The following OTOA variants were observed in gnomAD, a reference collection of about 807,000 sequenced individuals.
OTOA encodes otoancorin, also known as cancer/testis antigen 108.
Under a neutral mutation model 110.8 loss-of-function variants are expected in OTOA, and 70 were observed. That is an observed-to-expected ratio of 0.63 (90% CI 0.52 to 0.77). The LOEUF is 0.77. Among genes scored for constraint, OTOA ranks in the 30% least tolerant of loss-of-function variants. The pLI is 0.00. For missense variants in OTOA, 917 were observed against 1,075.8 expected (o/e 0.85, Z 2.06); for synonymous variants, 373 against 431.5 (o/e 0.86, Z 1.68).
At chr16:21,669,794 A>G (rs1285703412) in intron 1 of OTOA, among the ~76,000 whole-genome samples, 1 of 152,124 alleles carries the variant, frequency 6.6e-6, no homozygotes, top group African/African-American at 2.4e-5. Flanking sequence ...ACTCCAGGGT[A>G]TTCTCAACAC....
Position 21,726,670 on chromosome 16 carries a change from C to A in OTOA, c.2016+12C>A, listed in dbSNP as rs753776320. On this transcript the variant is annotated intron_variant, in intron 19 of 28. Transcript: ENST00000646100. ...TGCAGCAGTGCCTGGTAAGAAAACTCTTCCTGGGTGTCCCCTCCCTCTGGG... is the reference window on the plus strand; with the variant it reads ...TGCAGCAGTGCCTGGTAAGAAAACTATTCCTGGGTGTCCCCTCCCTCTGGG... 3 of 1,614,016 alleles carry A rather than the reference C, an allele frequency of 1.9e-6. No homozygotes were observed. Among genetic ancestry groups the A allele is most frequent in the Non-Finnish European group, 2.5e-6 (3 of 1,179,962 alleles).
intron 12 of OTOA, among the ~76,000 whole-genome samples, chr16:21,706,128 C>G (rs953780066): frequency 6.6e-6 from 1 of 152,086 alleles, no homozygotes; most frequent in Non-Finnish European, 1.5e-5. Context: ...ACAGCTACTT[C>G]GAACTTAAAT....
intron 1 of OTOA, among the ~76,000 whole-genome samples, chr16:21,665,518 T>C (rs1966839175): frequency 1.3e-5 from 2 of 152,118 alleles, no homozygotes; most frequent in Admixed American, 1.3e-4. Flanking sequence ...TCGCTTGCTG[T>C]GTGATCGTTC....
At chr16:21,731,893 C>T (rs1421646318) in intron 21 of OTOA, among the ~76,000 whole-genome samples, 1 of 152,220 alleles carries the variant, frequency 6.6e-6, no homozygotes, top group East Asian at 1.9e-4. Context: ...AGTCCAGTCA[C>T]AGTAAAATCA....
At chr16:21,714,571 G>A (rs1898491014) in intron 13 of OTOA, among the ~76,000 whole-genome samples, 1 of 150,374 alleles carries the variant, frequency 6.7e-6, no homozygotes, top group Non-Finnish European at 1.5e-5. Context: ...GAGTGCAATG[G>A]TACAATCTCA....
At position 21,760,709 on chromosome 16, in the gene OTOA, T is replaced by C. The variant is rs1166502807; in HGVS notation, c.*169T>C. 2.1e-6 allele frequency: 1 copy of C among 473,032 alleles called. No homozygotes were observed. Among genetic ancestry groups the C allele is most frequent in the Non-Finnish European group, 3.8e-6 (1 of 266,508 alleles). 29.3% of individuals were successfully genotyped at this position (473,032 alleles called of 1,614,324 possible). On this transcript the variant is annotated 3_prime_UTR_variant, in exon 29 of 29. Coordinates refer to ENST00000646100, the MANE Select transcript of OTOA (RefSeq NM_144672.4). ...TGCACCCCAAATGAAAAATAATTAT[T>C]AAAAATGATCTTGCAAATTATTTTT...
At chr16:21,702,564 C>T (rs564129958) in intron 11 of OTOA, among the ~76,000 whole-genome samples, 1 of 152,322 alleles carries the variant, frequency 6.6e-6, no homozygotes, top group East Asian at 1.9e-4. Context: ...CTCTATACTT[C>T]CGCTTCCCCA....
intron 12 of OTOA, 38 bp downstream of exon 12, chr16:21,705,330 A>G: frequency 1.2e-6 from 2 of 1,612,898 alleles, no homozygotes; most frequent in Non-Finnish European, 1.7e-6. Context: ...CCTCTGCCTC[A>G]GTGTCACTAG....
intron 13 of OTOA, 128 bp from the exon 14 acceptor site, chr16:21,714,857 T>A (rs1367845337): frequency 1.6e-5 from 19 of 1,218,132 alleles, no homozygotes; most frequent in Non-Finnish European, 2.1e-5. Context: ...AGGCAGCATC[T>A]GTCTGGCTCA....
chr16:21,719,904 A>C (rs902577129), intron 17 of OTOA, among the ~76,000 whole-genome samples: 6 of 152,052 alleles, frequency 3.9e-5, no homozygotes, highest in Non-Finnish European at 5.9e-5. Context: ...CATTTTCTAA[A>C]AGGTTATGGA....
chr16:21,675,324 T>A (rs1289968955), intron 1 of OTOA, among the ~76,000 whole-genome samples: 2 of 134,110 alleles, frequency 1.5e-5, no homozygotes, highest in Non-Finnish European at 3.2e-5. Context: ...TTTTTTTTTT[T>A]TTTTTTTTTT....
intron 1 of OTOA, among the ~76,000 whole-genome samples, chr16:21,675,307 ATTTTTTTTTTTTTTTTT>A (rs57498010): frequency 5.4e-5 from 2 of 37,128 alleles, no homozygotes; most frequent in African/African-American, 1.1e-4. Context: ...ACACCTGGCT[ATTTTTTTTTTTTTTTTT>A]TTTTTTTTTT....
intron 13 of OTOA, among the ~76,000 whole-genome samples, chr16:21,714,296 C>CCTTT (rs200170014): frequency 0.11 from 9,015 of 82,788 alleles, 351 homozygotes; most frequent in Middle Eastern, 0.25. Context: ...TCTTTCTTTT[C>CCTTT]CTTTCTTCCT....
In OTOA at chr16:21,756,858, C is replaced by T. The variant is rs1392741269; in HGVS notation, c.3154-224C>T. On this transcript the variant is annotated intron_variant, in intron 27 of 28. Transcript: ENST00000646100. ...TAATGCTTGCTTATGGCAAGTCTGC[C>T]GGCTTTCCATTTTTGGAAACTTCCA... Among the ~76,000 whole-genome samples the T allele has an allele frequency of 2.5e-3, 362 of 147,092 alleles. 3 individuals are homozygous for T. The highest frequency in any genetic ancestry group is 8.5e-3 in the African/African-American group (338 of 39,794).
chr16:21,678,826 C>T, intron 2 of OTOA, 89 bp from the exon 3 acceptor site: 1 of 1,503,642 alleles, frequency 6.7e-7, no homozygotes. Flanking sequence ...TCATGAGTGG[C>T]TTTCTGGGGC....
intron 10 of OTOA, among the ~76,000 whole-genome samples, chr16:21,698,160 C>T (rs952594509): frequency 2.6e-5 from 4 of 152,104 alleles, no homozygotes; most frequent in African/African-American, 9.7e-5. Flanking sequence ...GGATTGTTGG[C>T]TATGAACCAA....
chr16:21,693,234 A>G (rs1443671821), intron 9 of OTOA, among the ~76,000 whole-genome samples: 1 of 152,192 alleles, frequency 6.6e-6, no homozygotes, highest in Non-Finnish European at 1.5e-5. Context: ...ACTGCATTCC[A>G]GCCTGAGTGA....
intron 2 of OTOA, 69 bp from the exon 3 acceptor site, chr16:21,678,846 A>G (rs949603598): frequency 6.4e-7 from 1 of 1,568,464 alleles, no homozygotes; most frequent in African/African-American, 1.4e-5. Context: ...CTTTTCCTCT[A>G]ACCCATATTT....
chr16:21,691,687 GGT>G lies in OTOA; in HGVS notation c.739+2_739+3del. On this transcript the variant is annotated splice_donor_variant, in intron 9 of 28. Coordinates refer to ENST00000646100, the MANE Select transcript of OTOA (RefSeq NM_144672.4). LOFTEE classifies it high-confidence loss of function. Reference sequence around the variant, plus strand: ...ACTGCAGACATCCTCCAATGCCACTGGTGAGCCTGTACTTGGAGGTGGGGTCA... The same window carrying G: ...ACTGCAGACATCCTCCAATGCCACTGGAGCCTGTACTTGGAGGTGGGGTCA... 6.2e-7 allele frequency: 1 copy of G among 1,612,422 alleles called. No individual in the cohort carries two copies. The highest frequency in any genetic ancestry group is 2.2e-5 in the East Asian group (1 of 44,866).
Sources: allele counts gnomAD v4.1 joint callset (sites outside exome capture counted in the v4.1 genomes callset), GRCh38; gene constraint gnomAD v4.1.1; transcripts MANE v1.5; gene names NCBI Gene and HGNC (gene_info 2026-07-23, HGNC 2026-07-21).